The following CLTCL1 variants were observed in gnomAD, a reference collection of about 807,000 sequenced individuals.
CLTCL1 encodes the protein clathrin heavy chain 2.
Under a neutral mutation model 190.0 loss-of-function variants are expected in CLTCL1, and 159 were observed. That is an observed-to-expected ratio of 0.84 (90% confidence interval 0.74 to 0.95). The LOEUF (loss-of-function observed/expected upper bound fraction) is 0.95. CLTCL1 is among the 40% of genes least tolerant of loss of function. The pLI, the probability that CLTCL1 is intolerant of heterozygous loss-of-function variation, is 0.00. For synonymous variants in CLTCL1, 752 were observed against 769.6 expected (o/e 0.98, Z 0.38); for missense variants, 1,878 against 2,033.4 (o/e 0.92, Z 1.47).
intron 3 of CLTCL1, among the ~76,000 whole-genome samples, chr22:19,251,577 CTCCCGAG>C (rs1555970026): frequency 6.6e-6 from 1 of 152,234 alleles, no homozygotes; most frequent in Non-Finnish European, 1.5e-5. Context: ...CTGCCTCAGC[CTCCCGAG>C]TAGCTGGGAC....
intron 1 of CLTCL1, among the ~76,000 whole-genome samples, chr22:19,284,576 C>T (rs1478750730): frequency 6.6e-6 from 1 of 152,118 alleles, no homozygotes; most frequent in African/African-American, 2.4e-5. Context: ...AGGAGAATCA[C>T]TTGAACACGG....
intron 12 of CLTCL1, 81 bp downstream of exon 12, chr22:19,226,138 C>A: frequency 6.8e-7 from 1 of 1,474,398 alleles, no homozygotes. Flanking sequence ...CCACAATCAC[C>A]AACAGGTGAA....
At chr22:19,289,946 GA>G (rs1375247451) in intron 1 of CLTCL1, among the ~76,000 whole-genome samples, 1 of 152,210 alleles carries the variant, frequency 6.6e-6, no homozygotes, top group African/African-American at 2.4e-5. Context: ...TGTCTGTAGT[GA>G]AGGCAGTGTG....
chr22:19,281,920 G>A (rs2087729920), intron 1 of CLTCL1, among the ~76,000 whole-genome samples: 1 of 152,120 alleles, frequency 6.6e-6, no homozygotes, highest in African/African-American at 2.4e-5. Flanking sequence ...TCACAAATAA[G>A]ACAGTGTTTT....
At chr22:19,287,210 T>C (rs1026558983) in intron 1 of CLTCL1, among the ~76,000 whole-genome samples, 1 of 152,186 alleles carries the variant, frequency 6.6e-6, no homozygotes, top group Admixed American at 6.5e-5. Context: ...GTTCAAATGG[T>C]AGCTCCCTGA....
At chr22:19,184,660 C>T (rs2084253580) in intron 29 of CLTCL1, 1 of 435,042 alleles carries the variant, frequency 2.3e-6, no homozygotes, top group Non-Finnish European at 4.7e-6. Flanking sequence ...GCCCAGCCTA[C>T]CCTTGCTGAC....
intron 19 of CLTCL1, among the ~76,000 whole-genome samples, chr22:19,210,958 C>T (rs1339994339): frequency 2.6e-5 from 4 of 152,086 alleles, no homozygotes; most frequent in African/African-American, 9.7e-5. Flanking sequence ...GTCTCAAACT[C>T]CTGGCCTCAA....
intron 1 of CLTCL1, among the ~76,000 whole-genome samples, chr22:19,280,715 A>T (rs1455910007): frequency 1.4e-5 from 2 of 147,122 alleles, no homozygotes; most frequent in African/African-American, 5.0e-5. Context: ...GCTACTTGGG[A>T]GGCGGAGGCA....
rs1047319136 is a variant in CLTCL1 at position 19,263,032 on chromosome 22, A to T, written c.251-8805T>A. ...GGTGACAGAGAGAGACTCCATCTTT[A>T]AAAAAAAAAAAAAAAAAGATTACAA... On this transcript the variant is annotated intron_variant, in intron 2 of 32. Transcript: ENST00000427926. 2.6e-3 allele frequency among the ~76,000 whole-genome samples: 342 copies of T among 132,126 alleles called. 11 individuals carry two copies. The East Asian group carries it at 0.067, about 26-fold the overall frequency. The allele number at this position is 132,126 out of a possible 152,430, so 86.7% of individuals were successfully genotyped here.
Position 19,199,850 on chromosome 22 carries a change from C to T in CLTCL1, c.3766-9G>A, listed in dbSNP as rs1555938090. 8.9e-6 allele frequency: 14 copies of T among 1,578,648 alleles called. No individual in the cohort carries two copies. Among genetic ancestry groups the T allele is most frequent in the South Asian group, 3.5e-5 (3 of 85,936 alleles). On this transcript the variant is annotated splice_polypyrimidine_tract_variant and intron_variant, in intron 23 of 32. Coordinates refer to ENST00000427926, the MANE Select transcript of CLTCL1 (RefSeq NM_007098.4). The stretch of plus-strand genomic sequence containing the variant: ...ATGCAGGCAAAGCACACCTAGGGGA[C>T]GGAGGGCAAGCGTGAGGGTCCCCAA...
At chr22:19,208,064 T>A (rs782360310) in intron 22 of CLTCL1, 90 bp downstream of exon 22, 7 of 1,520,684 alleles carry the variant, frequency 4.6e-6, no homozygotes, top group African/African-American at 1.4e-5. Context: ...CAGTCCCTGG[T>A]GCCAAAACAG....
intron 7 of CLTCL1, among the ~76,000 whole-genome samples, chr22:19,233,980 C>G (rs566974377): frequency 6.6e-6 from 1 of 152,186 alleles, no homozygotes; most frequent in East Asian, 1.9e-4. Flanking sequence ...CACAACTACC[C>G]CTTGAAAGAC....
chr22:19,267,067 T>C (rs1182515641), intron 2 of CLTCL1, among the ~76,000 whole-genome samples: 3 of 152,136 alleles, frequency 2.0e-5, no homozygotes, highest in Non-Finnish European at 2.9e-5. Flanking sequence ...GATAACATGA[T>C]ACAGTATGTA....
Position 19,222,714 on chromosome 22 carries a change from C to G in CLTCL1, c.2388G>C (p.Leu796=). 6.3e-7 allele frequency: 1 copy of G among 1,593,514 alleles called. No individual in the cohort carries two copies. The highest frequency in any genetic ancestry group is 8.5e-7 in the Non-Finnish European group (1 of 1,170,048). Residue 796 remains leucine, a synonymous_variant, in exon 15 of 33, where the codon CTG becomes CTC. Transcript: ENST00000427926. ...DLVLYLYRNN[L]QRYIEIYVQK... is the part of the protein sequence containing the mutation. Reference sequence around the variant, plus strand: ...GCACGTAGATCTCAATGTACCTCTGCAGGTTGTTGCGGTATAAATATAGGA... The same window carrying G: ...GCACGTAGATCTCAATGTACCTCTGGAGGTTGTTGCGGTATAAATATAGGA...
At chr22:19,199,649 C>T (rs186181432) in intron 24 of CLTCL1, 85 bp downstream of exon 24, 42 of 981,486 alleles carry the variant, frequency 4.3e-5, no homozygotes, top group African/African-American at 3.2e-4. Flanking sequence ...GTGATGGTCA[C>T]GAGCTAAGGG....
intron 1 of CLTCL1, among the ~76,000 whole-genome samples, chr22:19,289,827 T>C (rs919970518): frequency 6.6e-6 from 1 of 152,192 alleles, no homozygotes; most frequent in Non-Finnish European, 1.5e-5. Flanking sequence ...TGCAGCCATA[T>C]AGGTGAGAAA....
intron 24 of CLTCL1, 58 bp from the exon 25 acceptor site, chr22:19,196,714 C>G: frequency 6.4e-7 from 1 of 1,560,316 alleles, no homozygotes; most frequent in Non-Finnish European, 8.7e-7. Flanking sequence ...TGCAGCCACC[C>G]TCCAGCCCAT....
At chr22:19,270,639 A>G (rs1200873948) in intron 2 of CLTCL1, among the ~76,000 whole-genome samples, 1 of 148,830 alleles carries the variant, frequency 6.7e-6, no homozygotes, top group Non-Finnish European at 1.5e-5. Context: ...AGGCAGGAGA[A>G]TGGTGTGAAC....
chr22:19,195,428 G>GGCA (rs1187721919), intron 26 of CLTCL1, among the ~76,000 whole-genome samples: 1 of 152,188 alleles, frequency 6.6e-6, no homozygotes, highest in African/African-American at 2.4e-5. Context: ...GGCCTCACCT[G>GGCA]GCAGCACACG....
Sources: allele counts gnomAD v4.1 joint callset (sites outside exome capture counted in the v4.1 genomes callset), GRCh38; gene constraint gnomAD v4.1.1; transcripts MANE v1.5; gene names NCBI Gene and HGNC (gene_info 2026-07-23, HGNC 2026-07-21).